Variants in CELSR2 observed in about 807,000 individuals in gnomAD.
CELSR2 encodes cadherin EGF LAG seven-pass G-type receptor 2, also known as EGF-like protein 2.
A neutral mutation model predicts 251.6 loss-of-function variants in CELSR2; 81 were observed. That is an observed-to-expected ratio of 0.32 (90% CI 0.27 to 0.39). The LOEUF is 0.39. Ranked by LOEUF, CELSR2 falls within the 10% of genes least tolerant of loss-of-function variation. CELSR2 has a pLI of 1.00. For synonymous variants in CELSR2, 1,721 were observed against 1,670.5 expected (o/e 1.03, Z -0.74); for missense variants, 3,365 against 3,947.7 (o/e 0.85, Z 3.96).
In CELSR2 at chr1:109,275,255, T is replaced by C. The variant is rs1023632413; in HGVS notation, c.*1206T>C. 5.3e-5 allele frequency: 8 copies of C among 152,284 alleles called. No individual in the cohort carries two copies. Among genetic ancestry groups the C allele is most frequent in the African/African-American group, 1.4e-4 (6 of 41,460 alleles). 9.4% of individuals were successfully genotyped at this position (152,284 alleles called of 1,614,324 possible). The stretch of plus-strand genomic sequence containing the variant: ...CGTGTCCAGTCCCGGGGGTCTGATA[T>C]GGCCATCACAGGCTGGGTGTTCCCA... On this transcript the variant is annotated 3_prime_UTR_variant, in exon 34 of 34. Transcript: ENST00000271332.
In CELSR2 at chr1:109,269,781, G is replaced by T. The variant is rs1203753751; in HGVS notation, c.7068G>T (p.Met2356Ile). The T allele has an allele frequency of 6.2e-6, 10 of 1,613,596 alleles. No homozygotes were observed. Among genetic ancestry groups the T allele is most frequent in the Non-Finnish European group, 7.6e-6 (9 of 1,180,012 alleles). The part of the protein sequence containing the change: ...ESHVSCQCNH[M>I]TSFAVLMDVS... ...ACGTCAGCTGCCAGTGCAACCACAT[G>T]ACGAGCTTCGCTGTGCTCATGGACG... is the stretch of plus-strand genomic sequence containing the variant. Residue 2356 changes from methionine to isoleucine, a missense_variant, in exon 22 of 34, where the codon ATG (methionine) becomes ATT (isoleucine). By Grantham distance (10) the Met-to-Ile change is conservative. This residue lies in a region of CELSR2 where 2,093 missense variants were observed against 2,382.8 expected (regional missense o/e 0.88). Coordinates refer to ENST00000271332, the MANE Select transcript of CELSR2 (RefSeq NM_001408.3). This position sits in a 1 kb window ranked among gnomAD's most constrained non-coding sequence, Gnocchi z 6.4.
At position 109,272,324 on chromosome 1, in the gene CELSR2, C is replaced by T. The variant is rs745454388; in HGVS notation, c.7973C>T (p.Pro2658Leu). The T allele has an allele frequency of 1.2e-6, 2 of 1,612,374 alleles. No individual in the cohort carries two copies. Among genetic ancestry groups the T allele is most frequent in the Non-Finnish European group, 8.5e-7 (1 of 1,178,802 alleles). ...SPYADGRLYQ[P>L]YGDSAGSLHS... The stretch of plus-strand genomic sequence containing the variant: ...TACGCAGATGGGCGGCTGTACCAGC[C>T]CTACGGAGACTCGGCCGGCTCTCTG... Residue 2658 changes from proline (P) to leucine (L), a missense_variant, in exon 29 of 34, where the codon CCC becomes CTC. This residue lies in a region of CELSR2 where 2,093 missense variants were observed against 2,382.8 expected (regional missense o/e 0.88). Transcript: ENST00000271332.
In CELSR2 at chr1:109,265,327, A is replaced by G; in HGVS notation, c.5727+16A>G. 1 of 1,587,322 alleles carries G rather than the reference A, an allele frequency of 6.3e-7. No homozygotes were observed. The highest frequency in any genetic ancestry group is 8.6e-7 in the Non-Finnish European group (1 of 1,166,106). ...CCACTGCAAGGTGACAGCCCCAAGCAAGCCTCCACTGTGGCCACTTGGGCC... is the reference window on the plus strand; with the variant it reads ...CCACTGCAAGGTGACAGCCCCAAGCGAGCCTCCACTGTGGCCACTTGGGCC... On this transcript the variant is annotated intron_variant, in intron 13 of 33. Transcript: ENST00000271332.
chr1:109,264,404 C>G, intron 10 of CELSR2, 39 bp downstream of exon 10: 1 of 1,597,540 alleles, frequency 6.3e-7, no homozygotes, highest in Non-Finnish European at 8.6e-7. Flanking sequence ...CCTCCCCCAC[C>G]ACCTGCAGCC....
In CELSR2 at chr1:109,262,289, A is replaced by T; in HGVS notation, c.4389A>T (p.Pro1463=). The T allele has an allele frequency of 6.2e-7, 1 of 1,613,798 alleles. No homozygotes were observed. Among genetic ancestry groups the T allele is most frequent in the East Asian group, 2.2e-5 (1 of 44,882 alleles). Residue 1463 remains proline (P), a splice_region_variant and synonymous_variant, in exon 6 of 34, where the codon CCA becomes CCT. Transcript: ENST00000271332. ...HTVQLKYYNK[P]LLGQTGLPQG... is the part of the protein sequence containing the mutation. ...TCTCTGCTCTTTCCTGTCCACAGCC[A>T]CTGTTGGGTCAGACAGGGCTCCCAC...
chr1:109,270,277 T>C, intron 23 of CELSR2, 144 bp downstream of exon 23: 1 of 1,233,042 alleles, frequency 8.1e-7, no homozygotes, highest in Non-Finnish European at 1.1e-6. Context: ...CTTCTGTGGC[T>C]CCCCCGGGAT....
intron 32 of CELSR2, 38 bp downstream of exon 32, chr1:109,273,374 C>T (rs1156936693): frequency 3.1e-6 from 5 of 1,607,198 alleles, no homozygotes; most frequent in Middle Eastern, 1.7e-4. Context: ...CTCCCCTAGT[C>T]AGCAGCCTCA....
At chr1:109,271,085 G>A (rs1195414021) in intron 25 of CELSR2, 46 bp downstream of exon 25, 3 of 1,559,690 alleles carry the variant, frequency 1.9e-6, no homozygotes, top group Non-Finnish European at 2.6e-6. Context: ...GCCCTCCTTT[G>A]CTGTCCTCCT....
intron 33 of CELSR2, 107 bp downstream of exon 33, chr1:109,273,777 G>T: frequency 9.6e-7 from 1 of 1,038,752 alleles, no homozygotes. Flanking sequence ...GCATTTGGAG[G>T]ACAAATGGGC....
Position 109,274,287 on chromosome 1 carries a change from A to G in CELSR2, c.*238A>G. On this transcript the variant is annotated 3_prime_UTR_variant, in exon 34 of 34. Coordinates refer to ENST00000271332, the MANE Select transcript of CELSR2 (RefSeq NM_001408.3). ...ACTGCACTTTGGACCCCTGGGGCCAACATCTCCAAGACAAAGTTTTTCAGA... is the reference window on the plus strand; with the variant it reads ...ACTGCACTTTGGACCCCTGGGGCCAGCATCTCCAAGACAAAGTTTTTCAGA... 1 of 938,586 alleles carries G rather than the reference A, an allele frequency of 1.1e-6. No homozygotes were observed. Among genetic ancestry groups the G allele is most frequent in the Non-Finnish European group, 1.5e-6 (1 of 663,550 alleles). 58.1% of individuals were successfully genotyped at this position (938,586 alleles called of 1,614,324 possible). A position where few individuals can be genotyped will look rare whatever the true frequency, so the allele number is the denominator to read the frequency against.
rs765429548 is a variant in CELSR2 at position 109,267,560 on chromosome 1, G to A, written c.6026G>A (p.Arg2009His). 7.4e-6 allele frequency: 12 copies of A among 1,613,908 alleles called. No individual in the cohort carries two copies. Among genetic ancestry groups the A allele is most frequent in the South Asian group, 2.2e-5 (2 of 91,082 alleles). Residue 2009 changes from arginine to histidine, a missense_variant, in exon 16 of 34, where the codon CGC (arginine) becomes CAC (histidine). Physicochemically the swap from Arg to His is conservative, Grantham distance 29. This residue lies in a region of CELSR2 where 2,093 missense variants were observed against 2,382.8 expected (regional missense o/e 0.88). Coordinates refer to ENST00000271332, the MANE Select transcript of CELSR2 (RefSeq NM_001408.3). ...TTCCTTCCCCCAGGGACTGCTGTGC[G>A]CCACTGTGATGAGCACAGGGGGTGG... ...CPKGSFGTAV[R>H]HCDEHRGWLP...
chr1:109,272,186 A>G, intron 28 of CELSR2, 92 bp from the exon 29 acceptor site: 1 of 1,464,534 alleles, frequency 6.8e-7, no homozygotes, highest in South Asian at 1.4e-5. Context: ...TGGAAGGTGG[A>G]ACTTAGGGCA....
Position 109,258,996 on chromosome 1 carries a change from G to T in CELSR2, c.3875G>T (p.Cys1292Phe), listed in dbSNP as rs1655941691. The change falls in exon 2 of 34, where the codon TGC becomes TTC. Residue 1292 changes from cysteine to phenylalanine, a missense_variant. Cys to Phe is a radical substitution (Grantham distance 205, BLOSUM62 -2). This residue lies in a region of CELSR2 where 2,093 missense variants were observed against 2,382.8 expected (regional missense o/e 0.88). Coordinates refer to ENST00000271332, the MANE Select transcript of CELSR2 (RefSeq NM_001408.3). ...TACTGCGAGACCGAGGTGGACCTCTGCTACTCGCGGCCCTGTGGCCCCCAC... is the reference window on the plus strand; with the variant it reads ...TACTGCGAGACCGAGGTGGACCTCTTCTACTCGCGGCCCTGTGGCCCCCAC... ...GDYCETEVDL[C>F]YSRPCGPHGR... 1 of 1,606,752 alleles carries T rather than the reference G, an allele frequency of 6.2e-7. No homozygotes were observed.
At chr1:109,266,668 C>T (rs1190071172) in intron 15 of CELSR2, among the ~76,000 whole-genome samples, 1 of 149,256 alleles carries the variant, frequency 6.7e-6, no homozygotes, top group African/African-American at 2.5e-5. Flanking sequence ...GCCTCGGCCT[C>T]CCAAAGTGCT....
In CELSR2 at chr1:109,263,782, T is replaced by A; in HGVS notation, c.5001+5T>A. On this transcript the variant is annotated splice_donor_5th_base_variant and intron_variant, in intron 9 of 33. Transcript: ENST00000271332. The stretch of plus-strand genomic sequence containing the variant: ...CGCAGCACCATCACCCTACAGGTGA[T>A]GCATGGAAGGGCGGCTGGCCCTGGC... 1.2e-6 allele frequency: 2 copies of A among 1,611,984 alleles called. No homozygotes were observed. Among genetic ancestry groups the A allele is most frequent in the Non-Finnish European group, 1.7e-6 (2 of 1,179,388 alleles).
chr1:109,262,002 T>A, intron 5 of CELSR2, 106 bp downstream of exon 5: 1 of 1,289,156 alleles, frequency 7.8e-7, no homozygotes, highest in Non-Finnish European at 1.1e-6. Context: ...GTCAGGGCAT[T>A]TCTGGCTGAG....
In CELSR2 at chr1:109,269,159, A is replaced by G; in HGVS notation, c.6681A>G (p.Pro2227=). 1 of 1,611,386 alleles carries G rather than the reference A, an allele frequency of 6.2e-7. No individual in the cohort carries two copies. Among genetic ancestry groups the G allele is most frequent in the Middle Eastern group, 1.7e-4 (1 of 6,044 alleles). Residue 2227 remains proline, a synonymous_variant, in exon 20 of 34, where the codon CCA becomes CCG. Transcript: ENST00000271332. The surrounding 1 kb of genome is among the most constrained non-coding windows in gnomAD (Gnocchi z 6.4). The part of the protein sequence containing the change: ...RPAGPGEAQE[P]EELARRQRRH... ...CAGGCCCCGGAGAGGCCCAGGAGCC[A>G]GAGGAGCTGGCACGGCGACAGCGAC... is the stretch of plus-strand genomic sequence containing the variant.
At position 109,269,361 on chromosome 1, in the gene CELSR2, CG is replaced by C. The variant is rs1334164942; in HGVS notation, c.6813-58del. 1.2e-6 allele frequency: 2 copies of C among 1,608,214 alleles called. No individual in the cohort carries two copies. The highest frequency in any genetic ancestry group is 1.3e-5 in the African/African-American group (1 of 74,768). On this transcript the variant is annotated intron_variant, in intron 20 of 33. Coordinates refer to ENST00000271332, the MANE Select transcript of CELSR2 (RefSeq NM_001408.3). This position sits in a 1 kb window ranked among gnomAD's most constrained non-coding sequence, Gnocchi z 6.4. ...GTGAGTGCTGAGGCATGGAGGGGGT[CG>C]GGGGCGTCTCCCCAGTCATGTGACT... is the stretch of plus-strand genomic sequence containing the variant.
chr1:109,258,652 G>A lies in CELSR2; in HGVS notation c.3531G>A (p.Gly1177=). Residue 1177 remains glycine (G), a synonymous_variant, in exon 2 of 34, where the codon GGG becomes GGA. Transcript: ENST00000271332. ...FNVQRDTDAP[G]GHILNVSLSV... is the part of the protein sequence containing the mutation. ...TACAGCGGGACACCGACGCCCCCGG[G>A]GGCCACATCCTCAACGTGAGCCTGT... 6.4e-7 allele frequency: 1 copy of A among 1,550,582 alleles called. No individual in the cohort carries two copies. Among genetic ancestry groups the A allele is most frequent in the South Asian group, 1.2e-5 (1 of 84,504 alleles).
Sources: allele counts gnomAD v4.1 joint callset (sites outside exome capture counted in the v4.1 genomes callset), GRCh38; gene constraint gnomAD v4.1.1; regional missense constraint gnomAD v4.1.1; non-coding constraint Gnocchi (gnomAD v3.1); transcripts MANE v1.5; gene names NCBI Gene and HGNC (gene_info 2026-07-23, HGNC 2026-07-21).